Variants in SOX5 observed in about 807,000 individuals in gnomAD.
SOX5 encodes the protein transcription factor SOX-5.
SOX5 carries 9 observed loss-of-function variants against 92.0 expected under a neutral mutation model. That is an observed-to-expected ratio of 0.10 (90% confidence interval 0.06 to 0.17). The LOEUF is 0.17. Among genes scored for constraint, SOX5 ranks in the 10% least tolerant of loss-of-function variants. SOX5 has a pLI of 1.00. For missense variants in SOX5, 642 were observed against 944.5 expected (o/e 0.68, Z 4.20); for synonymous variants, 344 against 336.3 (o/e 1.02, Z -0.25).
intron 1 of SOX5, among the ~76,000 whole-genome samples, chr12:23,941,772 TC>T (rs2139564716): frequency 6.6e-6 from 1 of 151,598 alleles, no homozygotes; most frequent in Admixed American, 6.6e-5. Flanking sequence ...ACCAGTTCAT[TC>T]CGTTCTACAC....
intron 4 of SOX5, among the ~76,000 whole-genome samples, chr12:24,179,549 A>G (rs12832420): frequency 0.032 from 4,900 of 152,172 alleles, 94 homozygotes; most frequent in Middle Eastern, 0.058. Context: ...AGCTTTTCGG[A>G]TATTGTATTT....
intron 1 of SOX5, among the ~76,000 whole-genome samples, chr12:24,530,327 T>A (rs1401152831): frequency 6.6e-6 from 1 of 152,198 alleles, no homozygotes; most frequent in Non-Finnish European, 1.5e-5. Context: ...ACCTAGATGA[T>A]GTCGTCGGAT....
chr12:23,634,242 G>A (rs888204638), intron 8 of SOX5, among the ~76,000 whole-genome samples: 2 of 151,998 alleles, frequency 1.3e-5, no homozygotes, highest in African/African-American at 4.8e-5. Flanking sequence ...GTCCTTGTGG[G>A]GCGGTACATT....
At chr12:24,491,342 T>C (rs1421592808) in intron 1 of SOX5, among the ~76,000 whole-genome samples, 1 of 152,124 alleles carries the variant, frequency 6.6e-6, no homozygotes, top group Non-Finnish European at 1.5e-5. Context: ...CTACTCTTCC[T>C]AGAGCAGCCT....
chr12:24,358,791 C>T (rs1955176219), intron 2 of SOX5, among the ~76,000 whole-genome samples: 1 of 152,144 alleles, frequency 6.6e-6, no homozygotes, highest in African/African-American at 2.4e-5. Flanking sequence ...AAGTTAATTA[C>T]CTTTACATTC....
intron 3 of SOX5, among the ~76,000 whole-genome samples, chr12:24,252,230 T>C (rs1404973168): frequency 6.6e-6 from 1 of 152,210 alleles, no homozygotes; most frequent in Non-Finnish European, 1.5e-5. Flanking sequence ...ATCAGTTCTA[T>C]GGAAAATTAG....
intron 4 of SOX5, among the ~76,000 whole-genome samples, chr12:23,997,505 T>G (rs963392974): frequency 6.6e-6 from 1 of 152,132 alleles, no homozygotes; most frequent in African/African-American, 2.4e-5. Flanking sequence ...ATAGTGGGCC[T>G]TGATAAACTT....
intron 1 of SOX5, among the ~76,000 whole-genome samples, chr12:24,534,603 T>C (rs1182568815): frequency 6.6e-6 from 1 of 152,208 alleles, no homozygotes; most frequent in Non-Finnish European, 1.5e-5. Flanking sequence ...AGAGAAAGCA[T>C]AACATCTATT....
intron 2 of SOX5, among the ~76,000 whole-genome samples, chr12:24,332,827 GC>G (rs1951478472): frequency 6.6e-6 from 1 of 151,870 alleles, no homozygotes; most frequent in Non-Finnish European, 1.5e-5. Context: ...AACTTTTAAA[GC>G]CCACCTATAG....
intron 4 of SOX5, among the ~76,000 whole-genome samples, chr12:24,177,388 A>G (rs1056940750): frequency 2.6e-5 from 4 of 152,182 alleles, no homozygotes; most frequent in Non-Finnish European, 4.4e-5. Flanking sequence ...ATCATCATAA[A>G]TACCCTAGAA....
chr12:24,493,202 C>T (rs1469158493), intron 1 of SOX5, among the ~76,000 whole-genome samples: 1 of 152,080 alleles, frequency 6.6e-6, no homozygotes, highest in African/African-American at 2.4e-5. Context: ...AAGTCTCTTA[C>T]CAGTTTTTTC....
intron 1 of SOX5, among the ~76,000 whole-genome samples, chr12:24,405,091 C>A (rs532444443): frequency 2.0e-5 from 3 of 152,184 alleles, no homozygotes; most frequent in African/African-American, 4.8e-5. Context: ...TGATTTCTGA[C>A]TTCTATCCTC....
At chr12:23,561,575 C>T (rs189318754) in intron 11 of SOX5, among the ~76,000 whole-genome samples, 1 of 152,284 alleles carries the variant, frequency 6.6e-6, no homozygotes, top group East Asian at 1.9e-4. Flanking sequence ...TCTGTAACCA[C>T]AGCTAAACAG....
At chr12:24,482,530 G>T (rs1055404245) in intron 1 of SOX5, among the ~76,000 whole-genome samples, 4 of 152,104 alleles carry the variant, frequency 2.6e-5, no homozygotes, top group Non-Finnish European at 5.9e-5. Flanking sequence ...TGGAATGTTA[G>T]ATCTCCTAAG....
At chr12:24,106,440 A>G (rs1946677148) in intron 4 of SOX5, among the ~76,000 whole-genome samples, 1 of 152,200 alleles carries the variant, frequency 6.6e-6, no homozygotes, top group Admixed American at 6.5e-5. Flanking sequence ...ACGTAAAATA[A>G]TTCATGTGAA....
At chr12:24,308,216 G>A (rs1166496505) in intron 2 of SOX5, among the ~76,000 whole-genome samples, 4 of 152,126 alleles carry the variant, frequency 2.6e-5, no homozygotes, top group Non-Finnish European at 5.9e-5. Context: ...TGAACACACT[G>A]CTCCCCTCCC....
At chr12:24,223,558 A>T (rs1427026925) in intron 3 of SOX5, among the ~76,000 whole-genome samples, 1 of 152,150 alleles carries the variant, frequency 6.6e-6, no homozygotes, top group Non-Finnish European at 1.5e-5. Flanking sequence ...TTTTGAGACC[A>T]GCCTGAGCAA....
At chr12:24,281,783 A>G (rs1281781464) in intron 2 of SOX5, among the ~76,000 whole-genome samples, 3 of 152,206 alleles carry the variant, frequency 2.0e-5, no homozygotes, top group African/African-American at 7.2e-5. Context: ...TTTCTTTTTT[A>G]TATTATTTCA....
intron 1 of SOX5, among the ~76,000 whole-genome samples, chr12:24,490,405 A>G (rs900372752): frequency 5.9e-5 from 9 of 152,218 alleles, no homozygotes; most frequent in African/African-American, 1.9e-4. Context: ...AGTACTTTTC[A>G]TATCATTTTC....
Sources: allele counts gnomAD v4.1 joint callset (sites outside exome capture counted in the v4.1 genomes callset), GRCh38; gene constraint gnomAD v4.1.1; transcripts MANE v1.5; gene names NCBI Gene and HGNC (gene_info 2026-07-23, HGNC 2026-07-21).